ADGRD1: variants seen among roughly 807,000 people sequenced by gnomAD.
ADGRD1 encodes the protein G-protein coupled receptor 133.
In ADGRD1, 77 loss-of-function variants were observed where a neutral mutation model predicts 113.4. That is an observed-to-expected ratio of 0.68 (90% CI 0.57 to 0.82). The LOEUF is 0.82. Among genes scored for constraint, ADGRD1 ranks in the 40% least tolerant of loss-of-function variants. The pLI, the probability that ADGRD1 is intolerant of heterozygous loss-of-function variation, is 0.00. For missense variants in ADGRD1, 1,036 were observed against 1,139.1 expected, an observed-to-expected ratio of 0.91 and a Z score of 1.30; for synonymous variants, 474 against 475.0, an observed-to-expected ratio of 1.00 and a Z score of 0.03.
rs75406814 is a variant in ADGRD1, at chr12:131,096,488, C to T, written c.1672-8343C>T. Among the ~76,000 whole-genome samples, 668 of 152,332 alleles carry T rather than the reference C, an allele frequency of 4.4e-3. 21 individuals carry two copies. In the East Asian group the frequency reaches 0.072, roughly 16 times the overall value. ...TCAGGGTACACAGAGCCACATCTCC[C>T]GTGTTAACCACTGCATAGCTCTCCC... On this transcript the variant is annotated intron_variant, in intron 15 of 24. Transcript: ENST00000261654. This position sits in a 1 kb window ranked among gnomAD's most constrained non-coding sequence, Gnocchi z 5.2.
chr12:131,037,321 T>TG (rs774554265), intron 13 of ADGRD1, among the ~76,000 whole-genome samples: 14 of 63,838 alleles, frequency 2.2e-4, no homozygotes, highest in African/African-American at 5.7e-4. Context: ...ACTCACTGCA[T>TG]GGGGCCTCAC....
intron 21 of ADGRD1, among the ~76,000 whole-genome samples, chr12:131,132,414 CA>C (rs1476015916): frequency 6.6e-6 from 1 of 152,210 alleles, no homozygotes; most frequent in African/African-American, 2.4e-5. Flanking sequence ...TTGCAGGTGA[CA>C]GAAATCCCAG....
At position 131,140,121 on chromosome 12, in the gene ADGRD1, G is replaced by T. The variant is rs1951208922; in HGVS notation, c.*858G>T. The T allele has an allele frequency of 6.6e-6, 1 of 152,254 alleles. No individual in the cohort carries two copies. The highest frequency in any genetic ancestry group is 2.4e-5 in the African/African-American group (1 of 41,448). 9.4% of individuals were successfully genotyped at this position (152,254 alleles called of 1,614,324 possible). The stretch of plus-strand genomic sequence containing the variant: ...TGTGCCAGCCTCCTTGGTTGTTCTT[G>T]GGCCACAGGAGCTGGCCGTGTCCCC... On this transcript the variant is annotated 3_prime_UTR_variant, in exon 25 of 25. Coordinates refer to ENST00000261654, the MANE Select transcript of ADGRD1 (RefSeq NM_198827.5).
At chr12:131,035,951 CA>C (rs567398510) in intron 13 of ADGRD1, among the ~76,000 whole-genome samples, 71 of 152,276 alleles carry the variant, frequency 4.7e-4, no homozygotes, top group African/African-American at 1.6e-3. Flanking sequence ...ACACCCAAGC[CA>C]AAACCGAGTC....
At chr12:131,118,327 C>A in intron 18 of ADGRD1, 58 bp from the exon 19 acceptor site, 2 of 1,066,064 alleles carry the variant, frequency 1.9e-6, no homozygotes, top group African/African-American at 1.7e-5. Context: ...ATGGGGGAGG[C>A]GGGAGGGAGG....
intron 22 of ADGRD1, 76 bp downstream of exon 22, chr12:131,136,239 A>G: frequency 6.4e-7 from 1 of 1,555,340 alleles, no homozygotes; most frequent in South Asian, 1.1e-5. Flanking sequence ...CTAGGGCTGC[A>G]GGGGCAGGAG....
At chr12:131,122,993 A>G (rs531141855) in intron 20 of ADGRD1, among the ~76,000 whole-genome samples, 69 of 143,824 alleles carry the variant, frequency 4.8e-4, no homozygotes, top group African/African-American at 1.5e-3. Flanking sequence ...TTCCTGGAGG[A>G]CAGAATGAGC....
chr12:131,040,568 C>T (rs1426116982), intron 13 of ADGRD1, among the ~76,000 whole-genome samples: 2 of 152,208 alleles, frequency 1.3e-5, no homozygotes, highest in Non-Finnish European at 2.9e-5. Context: ...GGCAGCCTGC[C>T]CCTTGAGCCA....
Position 131,030,267 on chromosome 12 carries a change from A to G in ADGRD1, c.1473+15927A>G, listed in dbSNP as rs530041653. Among the ~76,000 whole-genome samples, 83 of 151,496 alleles carry G rather than the reference A, an allele frequency of 5.5e-4. 2 individuals carry two copies. In the South Asian group the frequency reaches 0.017, roughly 31 times the overall value. ...AGGTTGTGGACCCGTCGTAGGTGAC[A>G]TTCCCAGGCTCTGGGGTTAGGTTGT... On this transcript the variant is annotated intron_variant, in intron 13 of 24. Coordinates refer to ENST00000261654, the MANE Select transcript of ADGRD1 (RefSeq NM_198827.5).
rs570979615 is a variant in ADGRD1 at position 130,971,010 on chromosome 12, A to C, written c.188-448A>C. On this transcript the variant is annotated intron_variant, in intron 3 of 24. Transcript: ENST00000261654. The surrounding 1 kb of genome is among the most constrained non-coding windows in gnomAD (Gnocchi z 4.2). ...AAACGTTCCACTTGGAACACTCAGC[A>C]TGAGGACGGGAGTGGGGAGGGCTCG... is the stretch of plus-strand genomic sequence containing the variant. 1 of 153,096 alleles carries C rather than the reference A, an allele frequency of 6.5e-6. No individual in the cohort carries two copies. The highest frequency in any genetic ancestry group is 1.5e-5 in the Non-Finnish European group (1 of 68,716). 9.5% of individuals were successfully genotyped at this position (153,096 alleles called of 1,614,324 possible). A position where few individuals can be genotyped will look rare whatever the true frequency, so the allele number is the denominator to read the frequency against.
intron 13 of ADGRD1, among the ~76,000 whole-genome samples, chr12:131,044,747 C>T (rs1043314874): frequency 3.3e-5 from 5 of 152,216 alleles, no homozygotes; most frequent in Admixed American, 6.5e-5. Flanking sequence ...TCTTTTTACA[C>T]ACACACGACG....
At position 131,139,531 on chromosome 12, in the gene ADGRD1, T is replaced by G; in HGVS notation, c.*268T>G. ...TCCTCGGGGGATTCCCAGGACACAG[T>G]GGCCTGACTGTGATGGTGCCCTTGA... On this transcript the variant is annotated 3_prime_UTR_variant, in exon 25 of 25. Coordinates refer to ENST00000261654, the MANE Select transcript of ADGRD1 (RefSeq NM_198827.5). 2.3e-6 allele frequency: 1 copy of G among 427,522 alleles called. No homozygotes were observed. Among genetic ancestry groups the G allele is most frequent in the Non-Finnish European group, 4.4e-6 (1 of 229,732 alleles). The allele number at this position is 427,522 out of a possible 1,614,324, so 26.5% of individuals were successfully genotyped here.
rs1157255114 is a variant in ADGRD1, at chr12:131,050,055, G to C, written c.1474-26746G>C. Among the ~76,000 whole-genome samples the C allele has an allele frequency of 6.6e-6, 1 of 152,176 alleles. No individual in the cohort carries two copies. The highest frequency in any genetic ancestry group is 6.5e-5 in the Admixed American group (1 of 15,276). On this transcript the variant is annotated intron_variant, in intron 13 of 24. Transcript: ENST00000261654. The surrounding 1 kb of genome is among the most constrained non-coding windows in gnomAD (Gnocchi z 4.8). Reference sequence around the variant, plus strand: ...GAAACTGGGCACGAATGCTTCTCTTGCATAGTGCTTGGCACATAGATTGGA... The same window carrying C: ...GAAACTGGGCACGAATGCTTCTCTTCCATAGTGCTTGGCACATAGATTGGA...
chr12:131,069,379 C>T (rs1027952383), intron 13 of ADGRD1: 4 of 152,194 alleles, frequency 2.6e-5, no homozygotes, highest in African/African-American at 9.7e-5. Context: ...TTCCCAGCTC[C>T]GTCACTTGCC....
At chr12:130,972,762 C>T (rs1200364113) in intron 4 of ADGRD1, among the ~76,000 whole-genome samples, 3 of 152,024 alleles carry the variant, frequency 2.0e-5, no homozygotes, top group South Asian at 2.1e-4. Flanking sequence ...TTCTAGAGAA[C>T]GGCTTCTCTT....
chr12:130,999,791 A>G (rs1184880217), intron 8 of ADGRD1, among the ~76,000 whole-genome samples: 3 of 152,162 alleles, frequency 2.0e-5, no homozygotes, highest in Non-Finnish European at 2.9e-5. Flanking sequence ...GGTGTCCAAG[A>G]GTCTGCTTTT....
At chr12:131,134,293 C>T (rs150555916) in intron 21 of ADGRD1, among the ~76,000 whole-genome samples, 5 of 152,332 alleles carry the variant, frequency 3.3e-5, no homozygotes, top group African/African-American at 9.6e-5. Flanking sequence ...CACCCCCTGC[C>T]TAGAGCCTCC....
rs1950385492 is a variant in ADGRD1, at chr12:131,113,291, C to G, written c.2041+4414C>G. Among the ~76,000 whole-genome samples, 1 of 151,664 alleles carries G rather than the reference C, an allele frequency of 6.6e-6. No individual in the cohort carries two copies. The highest frequency in any genetic ancestry group is 1.5e-5 in the Non-Finnish European group (1 of 67,976). ...ACTTTTTTTTTTCAGTGATAGCTGT[C>G]TCTGGGGAGGGGTCTGCTGAGCGAC... On this transcript the variant is annotated intron_variant, in intron 18 of 24. Transcript: ENST00000261654. The surrounding 1 kb of genome is among the most constrained non-coding windows in gnomAD (Gnocchi z 4.9).
intron 18 of ADGRD1, among the ~76,000 whole-genome samples, chr12:131,116,657 A>G (rs1240371140): frequency 2.0e-5 from 3 of 152,178 alleles, no homozygotes; most frequent in African/African-American, 7.2e-5. Flanking sequence ...CTCTTCGTGC[A>G]CTTCCATCCC....
Sources: allele counts gnomAD v4.1 joint callset (sites outside exome capture counted in the v4.1 genomes callset), GRCh38; gene constraint gnomAD v4.1.1; non-coding constraint Gnocchi (gnomAD v3.1); transcripts MANE v1.5; gene names NCBI Gene and HGNC (gene_info 2026-07-23, HGNC 2026-07-21).